GPR158: variants seen among roughly 807,000 people sequenced by gnomAD.
GPR158 encodes G protein-coupled receptor 158, also known as metabotropic glycine receptor.
A neutral mutation model predicts 78.2 loss-of-function variants in GPR158; 30 were observed. The observed-to-expected ratio is 0.38, with a 90% CI of 0.29 to 0.52. The LOEUF (loss-of-function observed/expected upper bound fraction) is 0.52. Ranked by LOEUF, GPR158 falls within the 20% of genes least tolerant of loss-of-function variation. The pLI is 0.83. For synonymous variants in GPR158, 581 were observed against 591.1 expected (o/e 0.98, Z 0.25); for missense variants, 1,463 against 1,523.5 (o/e 0.96, Z 0.66).
intron 5 of GPR158, among the ~76,000 whole-genome samples, chr10:25,512,061 T>C (rs1247202493): frequency 1.3e-5 from 2 of 152,168 alleles, no homozygotes; most frequent in Non-Finnish European, 2.9e-5. Flanking sequence ...TTTTTCCTAG[T>C]TCTGTGAAGA....
intron 2 of GPR158, among the ~76,000 whole-genome samples, chr10:25,350,871 C>T (rs374579627): frequency 4.1e-4 from 62 of 152,054 alleles, no homozygotes; most frequent in Admixed American, 9.8e-4. Flanking sequence ...ATTTTTATTT[C>T]GTGGACTTGA....
intron 4 of GPR158, among the ~76,000 whole-genome samples, chr10:25,461,926 G>C (rs1316024804): frequency 6.6e-6 from 1 of 151,754 alleles, no homozygotes; most frequent in Non-Finnish European, 1.5e-5. Flanking sequence ...ATTTTTAATA[G>C]AGACGGGGTT....
At chr10:25,390,686 G>A (rs373816707) in intron 2 of GPR158, among the ~76,000 whole-genome samples, 3 of 152,148 alleles carry the variant, frequency 2.0e-5, no homozygotes, top group East Asian at 3.9e-4. Flanking sequence ...GAGAAGCAGA[G>A]CATACAATTT....
At position 25,572,850 on chromosome 10, in the gene GPR158, G is replaced by A. The variant is rs764272731; in HGVS notation, c.1716G>A (p.Met572Ile). ...GKTSDHLIFN[M>I]CLIDRWDYMT... The stretch of plus-strand genomic sequence containing the variant: ...CATCCGATCACCTCATCTTCAATAT[G>A]TGCCTCATTGACCGCTGGGACTACA... Residue 572 changes from methionine to isoleucine, a missense_variant, in exon 7 of 11, where the codon ATG becomes ATA. By Grantham distance (10) the Met-to-Ile change is conservative (BLOSUM62 1). Coordinates refer to ENST00000376351, the MANE Select transcript of GPR158 (RefSeq NM_020752.3). The A allele has an allele frequency of 4.3e-6, 7 of 1,612,060 alleles. No individual in the cohort carries two copies. Among genetic ancestry groups the A allele is most frequent in the Non-Finnish European group, 5.9e-6 (7 of 1,178,246 alleles).
chr10:25,321,244 T>C (rs1854943956), intron 2 of GPR158, among the ~76,000 whole-genome samples: 1 of 152,196 alleles, frequency 6.6e-6, no homozygotes, highest in Non-Finnish European at 1.5e-5. Context: ...AACTGGACAG[T>C]ACTGAGTTAA....
intron 2 of GPR158, among the ~76,000 whole-genome samples, chr10:25,241,274 T>G (rs1039094460): frequency 1.0e-5 from 1 of 97,394 alleles, no homozygotes; most frequent in South Asian, 3.6e-4. Context: ...TTTCTTTCCT[T>G]TCTTTCTTTC....
intron 2 of GPR158, among the ~76,000 whole-genome samples, chr10:25,275,801 G>C (rs1457670676): frequency 6.6e-6 from 1 of 152,144 alleles, no homozygotes; most frequent in Non-Finnish European, 1.5e-5. Flanking sequence ...TGGAGAAAAT[G>C]ATGCTTAGAT....
intron 8 of GPR158, among the ~76,000 whole-genome samples, chr10:25,591,971 A>T (rs1378234426): frequency 1.3e-5 from 2 of 152,046 alleles, no homozygotes; most frequent in African/African-American, 2.4e-5. Context: ...TCTTATTTAC[A>T]TATGGCCTGA....
intron 5 of GPR158, among the ~76,000 whole-genome samples, chr10:25,489,548 A>G (rs936812597): frequency 2.0e-5 from 3 of 152,170 alleles, no homozygotes. Flanking sequence ...AAGGTTTCAC[A>G]CTAGAATGCC....
At chr10:25,304,214 A>G (rs1387283487) in intron 2 of GPR158, among the ~76,000 whole-genome samples, 1 of 151,544 alleles carries the variant, frequency 6.6e-6, no homozygotes, top group Non-Finnish European at 1.5e-5. Context: ...CTGGCTTTGA[A>G]CCTAAAATTC....
intron 2 of GPR158, among the ~76,000 whole-genome samples, chr10:25,327,095 T>C (rs1363541289): frequency 2.0e-5 from 3 of 152,206 alleles, no homozygotes; most frequent in African/African-American, 7.2e-5. Context: ...TCTACAATTC[T>C]TAATTGTCAA....
At position 25,175,887 on chromosome 10, in the gene GPR158, G is replaced by T. The variant is rs773154065; in HGVS notation, c.467G>T (p.Trp156Leu). The T allele has an allele frequency of 6.2e-7, 1 of 1,613,860 alleles. No homozygotes were observed. Among genetic ancestry groups the T allele is most frequent in the Non-Finnish European group, 8.5e-7 (1 of 1,179,990 alleles). ...CAGAACTTGCAGGACGACCTGGATT[G>T]GTACCAGGCGCTGGTGTGGAGCCTT... ...REQNLQDDLD[W>L]YQALVWSLLE... is the part of the protein sequence containing the mutation. Residue 156 changes from tryptophan to leucine, a missense_variant, in exon 1 of 11, where the codon TGG becomes TTG. Transcript: ENST00000376351. The surrounding 1 kb of genome is among the most constrained non-coding windows in gnomAD (Gnocchi z 6.4).
Position 25,598,580 on chromosome 10 carries a change from CT to C in GPR158, c.2955del (p.Ala986ProfsTer5). On this transcript the variant is annotated frameshift_variant, in exon 11 of 11. Coordinates refer to ENST00000376351, the MANE Select transcript of GPR158 (RefSeq NM_020752.3). LOFTEE classifies it low-confidence loss of function (END_TRUNC). The stretch of plus-strand genomic sequence containing the variant: ...AAACAACAAAGGGTCAACCCCACCA[CT>C]GCCAATTCTGACCTGAACCCAGGCA... Reference protein sequence around the residue: ...IMKQQRVNPTTANSDLNPGTT... With the variant: ...IMKQQRVNPTXANSDLNPGTT... 6.2e-7 allele frequency: 1 copy of C among 1,614,036 alleles called. No homozygotes were observed. The highest frequency in any genetic ancestry group is 8.5e-7 in the Non-Finnish European group (1 of 1,179,984).
intron 4 of GPR158, among the ~76,000 whole-genome samples, chr10:25,430,184 T>G (rs1185311249): frequency 1.3e-5 from 2 of 152,150 alleles, no homozygotes; most frequent in Non-Finnish European, 1.5e-5. Flanking sequence ...AAAATCAACA[T>G]GCAAAAATCA....
intron 2 of GPR158, among the ~76,000 whole-genome samples, chr10:25,274,440 T>G (rs1854156810): frequency 6.6e-6 from 1 of 152,248 alleles, no homozygotes; most frequent in Non-Finnish European, 1.5e-5. Context: ...GATTAATTTA[T>G]ATGTACTCCC....
chr10:25,496,473 G>A (rs1835882094), intron 5 of GPR158, among the ~76,000 whole-genome samples: 1 of 152,100 alleles, frequency 6.6e-6, no homozygotes, highest in African/African-American at 2.4e-5. Context: ...TACTTTTTCT[G>A]TAGATAAGCA....
intron 2 of GPR158, among the ~76,000 whole-genome samples, chr10:25,318,579 C>T (rs533670510): frequency 2.6e-5 from 4 of 152,198 alleles, no homozygotes; most frequent in East Asian, 1.9e-4. Flanking sequence ...GAAAATGTCA[C>T]TTATTTGTTC....
At chr10:25,415,395 A>G (rs199742809) in intron 4 of GPR158, among the ~76,000 whole-genome samples, 12,686 of 152,162 alleles carry the variant, frequency 0.083, 657 homozygotes, top group South Asian at 0.18. Flanking sequence ...ATATATATAT[A>G]TAAGCCAAAA....
At chr10:25,596,449 A>C (rs1837407449) in intron 9 of GPR158, among the ~76,000 whole-genome samples, 194 bp from the exon 10 acceptor site, 1 of 152,102 alleles carries the variant, frequency 6.6e-6, no homozygotes, top group African/African-American at 2.4e-5. Context: ...CTGGCTGAGC[A>C]ACATAGCAAG....
Sources: gnomAD v4.1 joint callset for allele counts (sites outside exome capture counted in the v4.1 genomes callset) on GRCh38, gnomAD v4.1.1 for gene constraint, Gnocchi (gnomAD v3.1) non-coding constraint, MANE v1.5 for transcripts, NCBI Gene and HGNC (gene_info 2026-07-23, HGNC 2026-07-21) for gene names.